The following SYT1 variants were observed in gnomAD, a reference collection of about 807,000 sequenced individuals.
The protein encoded by SYT1 is synaptotagmin-1.
SYT1 carries 8 observed loss-of-function variants against 44.8 expected under a neutral mutation model. The ratio of observed to expected loss-of-function variants is 0.18; its 90% confidence interval spans 0.10 to 0.32. The LOEUF is 0.32. SYT1 is among the 10% of genes least tolerant of loss of function. SYT1 has a pLI of 1.00. For missense variants in SYT1, 286 were observed against 509.3 expected, an observed-to-expected ratio of 0.56 and a Z score of 4.22; for synonymous variants, 154 against 188.8, an observed-to-expected ratio of 0.82 and a Z score of 1.51.
chr12:78,974,672 G>A (rs1404026630), intron 1 of SYT1, among the ~76,000 whole-genome samples: 3 of 151,908 alleles, frequency 2.0e-5, no homozygotes, highest in African/African-American at 4.8e-5. Flanking sequence ...TCCTGACCTC[G>A]TGATCCGCCC....
At chr12:78,882,022 T>C (rs1413268736) in intron 1 of SYT1, among the ~76,000 whole-genome samples, 1 of 151,742 alleles carries the variant, frequency 6.6e-6, no homozygotes, top group Admixed American at 6.6e-5. Context: ...ATATATTTAT[T>C]TATTATACTA....
At chr12:79,200,736 C>G (rs1218862798) in intron 3 of SYT1, among the ~76,000 whole-genome samples, 1 of 152,146 alleles carries the variant, frequency 6.6e-6, no homozygotes, top group Non-Finnish European at 1.5e-5. Context: ...CCAGTTTAGA[C>G]AAAATCTATA....
At chr12:79,162,621 A>G (rs1248352583) in intron 3 of SYT1, among the ~76,000 whole-genome samples, 1 of 152,104 alleles carries the variant, frequency 6.6e-6, no homozygotes, top group Non-Finnish European at 1.5e-5. Flanking sequence ...GTATTGCATT[A>G]GCTTTTTCTT....
chr12:79,064,042 C>T (rs746127013), intron 3 of SYT1, among the ~76,000 whole-genome samples: 19 of 151,940 alleles, frequency 1.3e-4, no homozygotes, highest in Non-Finnish European at 2.4e-4. Flanking sequence ...CCTACCATTC[C>T]GGAGAACAGT....
Position 78,966,086 on chromosome 12 carries a change from A to C in SYT1, c.-216-11713A>C, listed in dbSNP as rs77605978. Among the ~76,000 whole-genome samples, 4 of 151,998 alleles carry C rather than the reference A, an allele frequency of 2.6e-5. 1 individual carries two copies. The highest frequency in any genetic ancestry group is 7.2e-5 in the African/African-American group (3 of 41,486). On this transcript the variant is annotated intron_variant, in intron 1 of 10. Transcript: ENST00000261205. Reference sequence around the variant, plus strand: ...AATGAGACTCTGTCTCAAAAAAAAAAAAAAAAAATTATTGAATAAACGAAT... The same window carrying C: ...AATGAGACTCTGTCTCAAAAAAAAACAAAAAAAATTATTGAATAAACGAAT...
chr12:78,971,927 T>A (rs999937367), intron 1 of SYT1, among the ~76,000 whole-genome samples: 14 of 152,110 alleles, frequency 9.2e-5, no homozygotes, highest in Non-Finnish European at 1.8e-4. Flanking sequence ...CTGGTGAAAA[T>A]GCATAAACAT....
intron 1 of SYT1, among the ~76,000 whole-genome samples, chr12:78,904,177 G>T (rs939100588): frequency 2.6e-5 from 4 of 152,076 alleles, no homozygotes; most frequent in Non-Finnish European, 5.9e-5. Context: ...AAACACTAGT[G>T]TGTATTGAAT....
intron 1 of SYT1, among the ~76,000 whole-genome samples, chr12:78,970,036 G>C (rs1395627255): frequency 2.0e-5 from 3 of 152,120 alleles, no homozygotes; most frequent in African/African-American, 7.2e-5. Flanking sequence ...GATTATTCCA[G>C]AGTTTGTTAC....
At chr12:79,161,803 C>T (rs778667248) in intron 3 of SYT1, among the ~76,000 whole-genome samples, 10 of 152,074 alleles carry the variant, frequency 6.6e-5, no homozygotes, top group Non-Finnish European at 1.3e-4. Context: ...AGCCTATCCT[C>T]CTTTAATTTT....
chr12:78,968,071 G>A (rs1220411339), intron 1 of SYT1, among the ~76,000 whole-genome samples: 1 of 152,048 alleles, frequency 6.6e-6, no homozygotes, highest in Non-Finnish European at 1.5e-5. Context: ...TCTATATATG[G>A]AAGTAAATGC....
chr12:78,977,350 GA>G (rs535978636), intron 1 of SYT1, among the ~76,000 whole-genome samples: 64 of 152,278 alleles, frequency 4.2e-4, no homozygotes, highest in African/African-American at 1.5e-3. Context: ...CAATAATTCT[GA>G]AAAGGTAGGA....
At chr12:79,152,475 G>A (rs1057492397) in intron 3 of SYT1, among the ~76,000 whole-genome samples, 50 of 152,188 alleles carry the variant, frequency 3.3e-4, no homozygotes, top group African/African-American at 1.2e-3. Context: ...CAGCTATCAC[G>A]GAGATTGTTG....
At chr12:78,875,665 T>G (rs978668528) in intron 1 of SYT1, among the ~76,000 whole-genome samples, 3 of 151,776 alleles carry the variant, frequency 2.0e-5, no homozygotes, top group African/African-American at 7.2e-5. Flanking sequence ...AGTGTAATCA[T>G]GTATAATCTC....
intron 1 of SYT1, among the ~76,000 whole-genome samples, chr12:78,948,283 C>T (rs1878777399): frequency 6.6e-6 from 1 of 151,786 alleles, no homozygotes; most frequent in South Asian, 2.1e-4. Flanking sequence ...AATCAAAATG[C>T]AATTTACAGA....
chr12:78,921,064 C>A (rs1399914465), intron 1 of SYT1, among the ~76,000 whole-genome samples: 2 of 151,664 alleles, frequency 1.3e-5, no homozygotes, highest in African/African-American at 2.4e-5. Flanking sequence ...ATACTTAGGA[C>A]CACCATGACC....
rs1394446942 is a variant in SYT1 at position 78,875,530 on chromosome 12, C to T, written c.-217+10421C>T. 4.6e-5 allele frequency among the ~76,000 whole-genome samples: 7 copies of T among 151,636 alleles called. No homozygotes were observed. In the Admixed American group the frequency reaches 4.6e-4, roughly 10 times the overall value. ...CTGGGGTCAAATGAAGCAACCAGTACAGAAGCTCTACAATGGGAACAGTTT... is the reference window on the plus strand; with the variant it reads ...CTGGGGTCAAATGAAGCAACCAGTATAGAAGCTCTACAATGGGAACAGTTT... On this transcript the variant is annotated intron_variant, in intron 1 of 10. Transcript: ENST00000261205.
chr12:79,391,191 G>A (rs556361437), intron 9 of SYT1, among the ~76,000 whole-genome samples: 54 of 152,242 alleles, frequency 3.5e-4, no homozygotes, highest in African/African-American at 1.3e-3. Context: ...AGAAGTTCTG[G>A]GGGGCATTTG....
intron 2 of SYT1, among the ~76,000 whole-genome samples, chr12:79,004,560 A>C (rs1465469698): frequency 6.6e-6 from 1 of 152,016 alleles, no homozygotes; most frequent in Non-Finnish European, 1.5e-5. Context: ...CTTAGGGCTA[A>C]AGATAAGAAA....
chr12:79,334,271 CTT>C (rs1191581472), intron 8 of SYT1, among the ~76,000 whole-genome samples: 2 of 152,052 alleles, frequency 1.3e-5, no homozygotes, highest in Non-Finnish European at 2.9e-5. Context: ...AAAAATCTCT[CTT>C]GTCTGTAACT....
Sources: allele counts gnomAD v4.1 joint callset (sites outside exome capture counted in the v4.1 genomes callset), GRCh38; gene constraint gnomAD v4.1.1; transcripts MANE v1.5; gene names NCBI Gene and HGNC (gene_info 2026-07-23, HGNC 2026-07-21).